MTA1: variants seen among roughly 807,000 people sequenced by gnomAD.
MTA1 encodes metastasis associated 1.
Under a neutral mutation model 97.0 loss-of-function variants are expected in MTA1, and 15 were observed. The observed-to-expected ratio is 0.15, with a 90% CI of 0.10 to 0.24. The LOEUF (loss-of-function observed/expected upper bound fraction) is 0.24, where lower values mean the gene tolerates loss of function less well. Among genes scored for constraint, MTA1 ranks in the 10% least tolerant of loss-of-function variants. MTA1 has a pLI of 1.00. For missense variants in MTA1, 709 were observed against 1,015.1 expected, an observed-to-expected ratio of 0.70 and a Z score of 4.10; for synonymous variants, 435 against 417.5, an observed-to-expected ratio of 1.04 and a Z score of -0.51.
intron 1 of MTA1, among the ~76,000 whole-genome samples, chr14:105,427,939 G>A (rs189974566): frequency 4.7e-5 from 7 of 148,700 alleles, no homozygotes; most frequent in African/African-American, 1.0e-4. Context: ...AATCACTTGC[G>A]TGCAGGACGC....
chr14:105,442,785 G>A (rs1325397033), intron 2 of MTA1, among the ~76,000 whole-genome samples: 3 of 151,930 alleles, frequency 2.0e-5, no homozygotes, highest in African/African-American at 4.9e-5. Context: ...TCCGCTGTGT[G>A]CAGGAACACA....
intron 1 of MTA1, among the ~76,000 whole-genome samples, chr14:105,432,095 C>G (rs1262953972): frequency 6.6e-6 from 1 of 152,172 alleles, no homozygotes; most frequent in Non-Finnish European, 1.5e-5. Flanking sequence ...TGGCACAGTC[C>G]TGGCCCACTG....
Position 105,460,475 on chromosome 14 carries a change from G to A in MTA1, c.753+18G>A, listed in dbSNP as rs781827523. 122 of 1,594,724 alleles carry A rather than the reference G, an allele frequency of 7.7e-5. No individual in the cohort carries two copies. Among genetic ancestry groups the A allele is most frequent in the Non-Finnish European group, 7.4e-5 (87 of 1,171,472 alleles). ...TCACCCTGGTAAGTGGGCCCAGGGC[G>A]GGACAGGTGAGACCTGGGGTGGCCC... is the stretch of plus-strand genomic sequence containing the variant. On this transcript the variant is annotated intron_variant, in intron 9 of 20. Transcript: ENST00000331320.
chr14:105,470,027 C>T lies in MTA1; in HGVS notation c.1997+35C>T, dbSNP rs782356697. ...TCCCAGGGCAGGCGGGAGGGCTCCG[C>T]ACAGCGTCCCGGCCCTCACCACCAC... On this transcript the variant is annotated intron_variant, in intron 20 of 20. Transcript: ENST00000331320. The T allele has an allele frequency of 6.8e-6, 11 of 1,612,532 alleles. No individual in the cohort carries two copies. The South Asian group carries it at 1.1e-4, about 16-fold the overall frequency.
At position 105,463,309 on chromosome 14, in the gene MTA1, C is replaced by G; in HGVS notation, c.1017+51C>G. 6.3e-7 allele frequency: 1 copy of G among 1,593,386 alleles called. No homozygotes were observed. The highest frequency in any genetic ancestry group is 8.6e-7 in the Non-Finnish European group (1 of 1,164,516). On this transcript the variant is annotated intron_variant, in intron 11 of 20. Transcript: ENST00000331320. This position sits in a 1 kb window ranked among gnomAD's most constrained non-coding sequence, Gnocchi z 5.9. Reference sequence around the variant, plus strand: ...CGGGGTGTGCCGCCTCCCCGTCCTGCGCCCCATCCTCTCCCAGCAGGTGGG... The same window carrying G: ...CGGGGTGTGCCGCCTCCCCGTCCTGGGCCCCATCCTCTCCCAGCAGGTGGG...
Position 105,424,443 on chromosome 14 carries a change from C to T in MTA1, c.28+4380C>T, listed in dbSNP as rs374427092. Among the ~76,000 whole-genome samples, 1 of 152,000 alleles carries T rather than the reference C, an allele frequency of 6.6e-6. No individual in the cohort carries two copies. The highest frequency in any genetic ancestry group is 1.5e-5 in the Non-Finnish European group (1 of 67,990). On this transcript the variant is annotated intron_variant, in intron 1 of 20. Transcript: ENST00000331320. This position sits in a 1 kb window ranked among gnomAD's most constrained non-coding sequence, Gnocchi z 4.0. ...GTCTCGATCTCCTGACCTTGTGACCCACCCGCCTCAGCCTCTCAAAGTATT... is the reference window on the plus strand; with the variant it reads ...GTCTCGATCTCCTGACCTTGTGACCTACCCGCCTCAGCCTCTCAAAGTATT...
intron 1 of MTA1, among the ~76,000 whole-genome samples, chr14:105,428,015 C>CAAA (rs11421824): frequency 0.023 from 2,489 of 109,322 alleles, 120 homozygotes; most frequent in African/African-American, 0.058. Context: ...GAGACTCTCT[C>CAAA]AAAAAAAAAA....
At position 105,424,534 on chromosome 14, in the gene MTA1, CA is replaced by C. The variant is rs1453145066; in HGVS notation, c.28+4472del. Among the ~76,000 whole-genome samples, 5 of 149,340 alleles carry C rather than the reference CA, an allele frequency of 3.3e-5. No individual in the cohort carries two copies. The highest frequency in any genetic ancestry group is 1.5e-5 in the Non-Finnish European group (1 of 67,594). The stretch of plus-strand genomic sequence containing the variant: ...TGTTTTTGAGACAGTCTCACTCTGT[CA>C]CCCAGGCTGGAGTGCAGTGGCACAA... On this transcript the variant is annotated intron_variant, in intron 1 of 20. Transcript: ENST00000331320. The surrounding 1 kb of genome is among the most constrained non-coding windows in gnomAD (Gnocchi z 4.0).
intron 3 of MTA1, chr14:105,445,873 C>T (rs1567020593): frequency 2.7e-6 from 1 of 371,780 alleles, no homozygotes; most frequent in East Asian, 7.2e-5. Flanking sequence ...GCTGCCTGCA[C>T]TTGCCAATGT....
Position 105,449,363 on chromosome 14 carries a change from G to C in MTA1, c.195G>C (p.Leu65=). 6.2e-7 allele frequency: 1 copy of C among 1,612,458 alleles called. No individual in the cohort carries two copies. Among genetic ancestry groups the C allele is most frequent in the Non-Finnish European group, 8.5e-7 (1 of 1,179,296 alleles). ...LIALADKHAT[L]SVCYKAGPGA... ...TGCTGTCTGTCTGTTATATAGCCCTGTCAGTCTGCTATAAGGCCGGACCGG... is the reference window on the plus strand; with the variant it reads ...TGCTGTCTGTCTGTTATATAGCCCTCTCAGTCTGCTATAAGGCCGGACCGG... Residue 65 remains leucine (L), a synonymous_variant, in exon 4 of 21, where the codon CTG becomes CTC. Coordinates refer to ENST00000331320, the MANE Select transcript of MTA1 (RefSeq NM_004689.4).
intron 13 of MTA1, 92 bp from the exon 14 acceptor site, chr14:105,464,324 G>T: frequency 1.3e-6 from 2 of 1,529,386 alleles, no homozygotes; most frequent in Non-Finnish European, 8.9e-7. Flanking sequence ...TGCCTGGCGG[G>T]TGGGGGCGGC....
At position 105,421,742 on chromosome 14, in the gene MTA1, C is replaced by CTG. The variant is rs1595239783; in HGVS notation, c.28+1680_28+1681dup. ...GTGCCCTGTGGCAGCTGTGCTGTGGCTGATGAAAGCCAGGACCCTGCCTTG... is the reference window on the plus strand; with the variant it reads ...GTGCCCTGTGGCAGCTGTGCTGTGGCTGTGATGAAAGCCAGGACCCTGCCTTG... On this transcript the variant is annotated intron_variant, in intron 1 of 20. Transcript: ENST00000331320. Among the ~76,000 whole-genome samples, 3 of 152,374 alleles carry CTG rather than the reference C, an allele frequency of 2.0e-5. No individual in the cohort carries two copies. The East Asian group carries it at 5.8e-4, about 29-fold the overall frequency.
rs1421716976 is a variant in MTA1 at position 105,465,202 on chromosome 14, T to TG, written c.1624+25dup. 8 of 1,500,180 alleles carry TG rather than the reference T, an allele frequency of 5.3e-6. No individual in the cohort carries two copies. The highest frequency in any genetic ancestry group is 2.5e-5 in the East Asian group (1 of 39,758). The allele number at this position is 1,500,180 out of a possible 1,614,324, so 92.9% of individuals were successfully genotyped here. A position where few individuals can be genotyped will look rare whatever the true frequency, so the allele number is the denominator to read the frequency against. On this transcript the variant is annotated intron_variant, in intron 16 of 20. Coordinates refer to ENST00000331320, the MANE Select transcript of MTA1 (RefSeq NM_004689.4). ...TATCTTGGTGAGCAGCCAGGCGTGCTGGGGGGCTCCCAATGCTGCCTGCAG... is the reference window on the plus strand; with the variant it reads ...TATCTTGGTGAGCAGCCAGGCGTGCTGGGGGGGCTCCCAATGCTGCCTGCAG...
intron 1 of MTA1, among the ~76,000 whole-genome samples, chr14:105,436,261 G>A (rs781792616): frequency 3.3e-5 from 5 of 152,156 alleles, no homozygotes; most frequent in Admixed American, 1.3e-4. Context: ...CAACAAGAGC[G>A]AAACTTCATC....
chr14:105,466,723 C>T lies in MTA1; in HGVS notation c.1794C>T (p.Arg598=). Residue 598 remains arginine (R), a synonymous_variant, in exon 18 of 21, where the codon CGC becomes CGT. Transcript: ENST00000331320. ...HNGVDGNMKK[R]LLMPSRGLAN... ...CGCTGCCAGGCAACATGAAGAAGCG[C>T]CTCTTGATGCCCAGTAGGGGTAAGG... 5 of 1,597,770 alleles carry T rather than the reference C, an allele frequency of 3.1e-6. No individual in the cohort carries two copies. Among genetic ancestry groups the T allele is most frequent in the Non-Finnish European group, 4.3e-6 (5 of 1,173,816 alleles).
In MTA1 at chr14:105,422,695, G is replaced by A. The variant is rs587662246; in HGVS notation, c.28+2632G>A. On this transcript the variant is annotated intron_variant, in intron 1 of 20. Transcript: ENST00000331320. This position sits in a 1 kb window ranked among gnomAD's most constrained non-coding sequence, Gnocchi z 4.3. ...ACATTCACAGTTATCTGGGCAACCCGTATTTTAGCTGGCAGGCTACTCCGA... is the reference window on the plus strand; with the variant it reads ...ACATTCACAGTTATCTGGGCAACCCATATTTTAGCTGGCAGGCTACTCCGA... Among the ~76,000 whole-genome samples the A allele has an allele frequency of 2.0e-5, 3 of 152,338 alleles. No individual in the cohort carries two copies. Among genetic ancestry groups the A allele is most frequent in the South Asian group, 2.1e-4 (1 of 4,824 alleles).
rs2081810187 is a variant in MTA1 at position 105,420,888 on chromosome 14, C to T, written c.28+825C>T. Among the ~76,000 whole-genome samples, 1 of 152,150 alleles carries T rather than the reference C, an allele frequency of 6.6e-6. No individual in the cohort carries two copies. The highest frequency in any genetic ancestry group is 1.9e-4 in the East Asian group (1 of 5,176). ...ATCATTCCATCAGCGCCTCCCTCCC[C>T]AGGACTCTGAGACCCCTCCCTGCCT... is the stretch of plus-strand genomic sequence containing the variant. On this transcript the variant is annotated intron_variant, in intron 1 of 20. Transcript: ENST00000331320. The surrounding 1 kb of genome is among the most constrained non-coding windows in gnomAD (Gnocchi z 5.3).
intron 2 of MTA1, among the ~76,000 whole-genome samples, chr14:105,441,041 C>T (rs1433417158): frequency 1.3e-5 from 2 of 152,156 alleles, no homozygotes; most frequent in African/African-American, 2.4e-5. Context: ...AGGCCCTGGC[C>T]CTGGCCTGGG....
At chr14:105,441,651 G>T (rs781834725) in intron 2 of MTA1, among the ~76,000 whole-genome samples, 7 of 152,272 alleles carry the variant, frequency 4.6e-5, no homozygotes, top group South Asian at 2.1e-4. Flanking sequence ...AAAATTAGCC[G>T]GGCGTGGTGG....
Sources: allele counts gnomAD v4.1 joint callset (sites outside exome capture counted in the v4.1 genomes callset), GRCh38; gene constraint gnomAD v4.1.1; non-coding constraint Gnocchi (gnomAD v3.1); transcripts MANE v1.5; gene names NCBI Gene and HGNC (gene_info 2026-07-23, HGNC 2026-07-21).